The following PLCB1 variants were observed in gnomAD, a reference collection of about 807,000 sequenced individuals.
PLCB1 encodes the protein 1-phosphatidylinositol 4,5-bisphosphate phosphodiesterase beta-1.
Under a neutral mutation model 161.8 loss-of-function variants are expected in PLCB1, and 46 were observed. The observed-to-expected ratio is 0.28, with a 90% CI of 0.22 to 0.36. PLCB1 has a LOEUF of 0.36. PLCB1 is among the 10% of genes least tolerant of loss of function. The pLI, the probability that PLCB1 is intolerant of heterozygous loss-of-function variation, is 1.00. For missense variants in PLCB1, 1,016 were observed against 1,472.5 expected (o/e 0.69, Z 5.07); for synonymous variants, 517 against 503.7 (o/e 1.03, Z -0.35).
chr20:8,181,067 A>G (rs1449196870), intron 2 of PLCB1, among the ~76,000 whole-genome samples: 2 of 151,896 alleles, frequency 1.3e-5, no homozygotes, highest in Non-Finnish European at 2.9e-5. Context: ...CCTGGCCAAC[A>G]TGGCGAAACC....
chr20:8,144,045 G>T (rs1323019618), intron 1 of PLCB1, among the ~76,000 whole-genome samples: 1 of 152,120 alleles, frequency 6.6e-6, no homozygotes, highest in Non-Finnish European at 1.5e-5. Context: ...GTGCAAAATT[G>T]CTCCCAGTTG....
chr20:8,716,411 GA>G (rs1979314445), intron 13 of PLCB1, 63 bp downstream of exon 13: 1 of 1,154,868 alleles, frequency 8.7e-7, no homozygotes, highest in Non-Finnish European at 1.3e-6. Context: ...GAGGTTGAGG[GA>G]AAACTTACTT....
chr20:8,746,926 C>T (rs1227568481), intron 23 of PLCB1, among the ~76,000 whole-genome samples: 2 of 152,174 alleles, frequency 1.3e-5, no homozygotes, highest in Admixed American at 6.5e-5. Context: ...GGGCCTGGGA[C>T]TCAGCATCTC....
chr20:8,226,541 T>C (rs1979694161), intron 2 of PLCB1, among the ~76,000 whole-genome samples: 1 of 152,136 alleles, frequency 6.6e-6, no homozygotes, highest in Non-Finnish European at 1.5e-5. Flanking sequence ...GACCTCTCTA[T>C]CTCCTTTATA....
Position 8,881,857 on chromosome 20 carries a change from T to C in PLCB1, c.*8T>C. ...TTTGATACTCCTCTGTGAATGCTCC[T>C]GCCAGGCCTTCAGAAATTGCATGGC... On this transcript the variant is annotated 3_prime_UTR_variant, in exon 32 of 32. Transcript: ENST00000338037. The C allele has an allele frequency of 6.3e-7, 1 of 1,587,936 alleles. No homozygotes were observed. The highest frequency in any genetic ancestry group is 1.1e-5 in the South Asian group (1 of 90,496).
At chr20:8,712,909 T>C (rs2123459679) in intron 12 of PLCB1, among the ~76,000 whole-genome samples, 1 of 152,234 alleles carries the variant, frequency 6.6e-6, no homozygotes, top group East Asian at 1.9e-4. Context: ...TGGTAGCTGA[T>C]ATTGATGCTC....
At chr20:8,439,578 T>C (rs1339715614) in intron 3 of PLCB1, among the ~76,000 whole-genome samples, 2 of 152,236 alleles carry the variant, frequency 1.3e-5, no homozygotes, top group Non-Finnish European at 2.9e-5. Context: ...TATCGCTCTT[T>C]GAAGTTGTGT....
At chr20:8,830,994 G>A (rs1372175618) in intron 31 of PLCB1, among the ~76,000 whole-genome samples, 1 of 152,200 alleles carries the variant, frequency 6.6e-6, no homozygotes, top group East Asian at 1.9e-4. Context: ...TCTGCCACAT[G>A]ATGGACAGCC....
rs111713013 is a variant in PLCB1 at position 8,233,526 on chromosome 20, AT to A, written c.177+83162del. Among the ~76,000 whole-genome samples the A allele has an allele frequency of 2.3e-3, 355 of 152,252 alleles. 1 individual carries two copies. Among genetic ancestry groups the A allele is most frequent in the African/African-American group, 8.2e-3 (339 of 41,558 alleles). On this transcript the variant is annotated intron_variant, in intron 2 of 31. Coordinates refer to ENST00000338037, the MANE Select transcript of PLCB1 (RefSeq NM_015192.4). ...AATTGATAACTTGGTTAAGTTGATT[AT>A]TTTTTTCTTTCCTTTACCTTTTCTT...
At chr20:8,676,434 G>GAAAGAAAGAAAGAAAGAA (rs1555782393) in intron 9 of PLCB1, among the ~76,000 whole-genome samples, 79 of 151,576 alleles carry the variant, frequency 5.2e-4, no homozygotes, top group African/African-American at 1.7e-3. Context: ...AAGAAAGAAA[G>GAAAGAAAGAAAGAAAGAA]AGAGAAAGAG....
intron 3 of PLCB1, among the ~76,000 whole-genome samples, chr20:8,443,380 C>A (rs1188468781): frequency 6.6e-6 from 1 of 152,160 alleles, no homozygotes; most frequent in African/African-American, 2.4e-5. Flanking sequence ...GAAGACCATC[C>A]ATCCTGTAGG....
At chr20:8,582,125 G>A (rs1272628119) in intron 3 of PLCB1, among the ~76,000 whole-genome samples, 3 of 152,138 alleles carry the variant, frequency 2.0e-5, no homozygotes, top group African/African-American at 7.2e-5. Flanking sequence ...TCTGCCATAA[G>A]CTGAGTTGAA....
chr20:8,398,766 C>CTT (rs557297141), intron 3 of PLCB1, among the ~76,000 whole-genome samples: 1 of 147,532 alleles, frequency 6.8e-6, no homozygotes, highest in Non-Finnish European at 1.5e-5. Context: ...ATAATTTGCA[C>CTT]TTTTTTTTTT....
In PLCB1 at chr20:8,323,166, C is replaced by T. The variant is rs563151103; in HGVS notation, c.178-48216C>T. On this transcript the variant is annotated intron_variant, in intron 2 of 31. Transcript: ENST00000338037. ...CGGGATTTGGTCATTCTCTTTCTTT[C>T]GGATATGTTTTGTGTTCTTTCTAAA... is the stretch of plus-strand genomic sequence containing the variant. Among the ~76,000 whole-genome samples, 53 of 152,134 alleles carry T rather than the reference C, an allele frequency of 3.5e-4. 2 individuals are homozygous for T. In the South Asian group the frequency reaches 6.4e-3, roughly 18 times the overall value.
chr20:8,746,913 G>A (rs1319063784), intron 23 of PLCB1, among the ~76,000 whole-genome samples: 1 of 152,158 alleles, frequency 6.6e-6, no homozygotes, highest in African/African-American at 2.4e-5. Flanking sequence ...TGGATCTGGG[G>A]TAGGGCCTGG....
rs1018175961 is a variant in PLCB1, at chr20:8,432,703, A to G, written c.246+61253A>G. On this transcript the variant is annotated intron_variant, in intron 3 of 31. Transcript: ENST00000338037. ...AAGAAATTATTTTCTTCAGGATCAA[A>G]GCGACAGAAACTTAGAAGTGGCATT... Among the ~76,000 whole-genome samples, 83 of 152,314 alleles carry G rather than the reference A, an allele frequency of 5.4e-4. 1 individual carries two copies. Among genetic ancestry groups the G allele is most frequent in the African/African-American group, 1.7e-3 (72 of 41,558 alleles).
chr20:8,534,985 G>A (rs576769396), intron 3 of PLCB1, among the ~76,000 whole-genome samples: 39 of 151,672 alleles, frequency 2.6e-4, no homozygotes, highest in Non-Finnish European at 4.3e-4. Flanking sequence ...CCCTGAGAAG[G>A]GCTCAAGCAT....
chr20:8,535,619 C>A lies in PLCB1; in HGVS notation c.247-92675C>A, dbSNP rs559491438. On this transcript the variant is annotated intron_variant, in intron 3 of 31. Coordinates refer to ENST00000338037, the MANE Select transcript of PLCB1 (RefSeq NM_015192.4). ...GGACATTTGGCAAAGGACAGCGCCC[C>A]TACAACAGAGTTATCCAGCCCAAAA... 3.9e-5 allele frequency among the ~76,000 whole-genome samples: 6 copies of A among 152,252 alleles called. No individual in the cohort carries two copies. The East Asian group carries it at 5.8e-4, about 15-fold the overall frequency.
At chr20:8,670,402 A>C (rs1280341135) in intron 9 of PLCB1, among the ~76,000 whole-genome samples, 1 of 152,250 alleles carries the variant, frequency 6.6e-6, no homozygotes, top group Non-Finnish European at 1.5e-5. Context: ...AGTACAACTT[A>C]ATACAGGGAA....
Sources: gnomAD v4.1 joint callset for allele counts (sites outside exome capture counted in the v4.1 genomes callset) on GRCh38, gnomAD v4.1.1 for gene constraint, MANE v1.5 for transcripts, NCBI Gene and HGNC (gene_info 2026-07-23, HGNC 2026-07-21) for gene names.